Variants in GALNT14 observed in about 807,000 individuals in gnomAD.
The protein encoded by GALNT14 is polypeptide N-acetylgalactosaminyltransferase 14, also known as UDP-GalNAc:polypeptide N-acetylgalactosaminyltransferase 14.
GALNT14 carries 60 observed loss-of-function variants against 77.5 expected under a neutral mutation model. The ratio of observed to expected loss-of-function variants is 0.77; its 90% CI spans 0.63 to 0.96. The LOEUF (loss-of-function observed/expected upper bound fraction) is 0.96. Ranked by LOEUF, GALNT14 falls within the 40% of genes least tolerant of loss-of-function variation. The pLI is 0.00. For missense variants in GALNT14, 710 were observed against 731.0 expected (o/e 0.97, Z 0.33); for synonymous variants, 280 against 281.7 (o/e 0.99, Z 0.06).
chr2:31,035,802 A>G (rs1181868714), intron 1 of GALNT14, among the ~76,000 whole-genome samples: 1 of 152,100 alleles, frequency 6.6e-6, no homozygotes, highest in Non-Finnish European at 1.5e-5. Context: ...AGCGGGAGCT[A>G]AATGATGAGA....
intron 2 of GALNT14, among the ~76,000 whole-genome samples, chr2:30,981,377 C>T (rs149893852): frequency 9.5e-4 from 144 of 152,326 alleles, no homozygotes; most frequent in Admixed American, 4.1e-3. Context: ...CTGCCTTCTA[C>T]GTGATGTGCC....
At chr2:30,956,084 C>T in intron 4 of GALNT14, 107 bp from the exon 5 acceptor site, 4 of 1,055,314 alleles carry the variant, frequency 3.8e-6, no homozygotes, top group South Asian at 2.7e-5. Context: ...CAGCCCTGTC[C>T]ACTGTCCCCT....
intron 2 of GALNT14, among the ~76,000 whole-genome samples, chr2:30,981,416 G>A (rs1259489641): frequency 6.6e-6 from 1 of 152,250 alleles, no homozygotes; most frequent in Admixed American, 6.5e-5. Flanking sequence ...CTCTGCTGCT[G>A]CTGTGTTTAA....
chr2:31,111,160 G>A (rs951720414), intron 1 of GALNT14, among the ~76,000 whole-genome samples: 10 of 152,168 alleles, frequency 6.6e-5, no homozygotes, highest in Non-Finnish European at 1.0e-4. Context: ...AGACTACCCA[G>A]GATGCAGATG....
chr2:30,943,162 C>T lies in GALNT14; in HGVS notation c.828-858G>A, dbSNP rs537636939. Among the ~76,000 whole-genome samples, 16 of 152,322 alleles carry T rather than the reference C, an allele frequency of 1.1e-4. 1 individual carries two copies. Among genetic ancestry groups the T allele is most frequent in the East Asian group, 7.7e-4 (4 of 5,180 alleles). On this transcript the variant is annotated intron_variant, in intron 8 of 14. Coordinates refer to ENST00000349752, the MANE Select transcript of GALNT14 (RefSeq NM_024572.4). Reference sequence around the variant, plus strand: ...TACATTTCTGTTGTTTAAGCAGCCCCGTGTGTGGTATGCTGTTACAGCAGC... The same window carrying T: ...TACATTTCTGTTGTTTAAGCAGCCCTGTGTGTGGTATGCTGTTACAGCAGC...
At chr2:30,909,215 T>G (rs1162594822), downstream of GALNT14, among the ~76,000 whole-genome samples, 2 of 150,018 alleles carry the variant, frequency 1.3e-5, no homozygotes, top group Non-Finnish European at 3.0e-5. Context: ...AAATGGGATC[T>G]AATTAAACTA....
intron 9 of GALNT14, among the ~76,000 whole-genome samples, chr2:30,933,525 C>T (rs1199879972): frequency 6.6e-6 from 1 of 152,156 alleles, no homozygotes; most frequent in African/African-American, 2.4e-5. Context: ...TTGGAAAGGC[C>T]CCTGGACTGA....
intron 1 of GALNT14, among the ~76,000 whole-genome samples, chr2:31,024,730 C>A (rs750916230): frequency 6.6e-6 from 1 of 152,194 alleles, no homozygotes; most frequent in Non-Finnish European, 1.5e-5. Context: ...CAGTGGGTAT[C>A]CCTAACACCC....
intron 4 of GALNT14, among the ~76,000 whole-genome samples, chr2:30,958,108 G>A (rs1316022422): frequency 1.3e-5 from 2 of 152,194 alleles, no homozygotes; most frequent in Non-Finnish European, 2.9e-5. Context: ...GATGTCCCAC[G>A]GGGTTGGGGA....
intron 1 of GALNT14, among the ~76,000 whole-genome samples, chr2:31,057,230 A>T (rs1172482691): frequency 6.6e-6 from 1 of 150,716 alleles, no homozygotes. Context: ...AAACCTCACC[A>T]TCACACAATA....
At chr2:31,120,583 G>C (rs1010185971) in intron 1 of GALNT14, among the ~76,000 whole-genome samples, 15 of 151,792 alleles carry the variant, frequency 9.9e-5, no homozygotes, top group African/African-American at 3.6e-4. Flanking sequence ...TTTAGACAGA[G>C]TCTCACTCTG....
chr2:30,928,307 T>G (rs952438419), intron 11 of GALNT14, among the ~76,000 whole-genome samples: 7 of 152,170 alleles, frequency 4.6e-5, no homozygotes, highest in African/African-American at 1.4e-4. Flanking sequence ...GATGTTAGTA[T>G]GACAAAAAGC....
intron 1 of GALNT14, among the ~76,000 whole-genome samples, chr2:31,072,676 C>T (rs1375198989): frequency 6.6e-6 from 1 of 152,122 alleles, no homozygotes; most frequent in East Asian, 1.9e-4. Context: ...TCTCAGTGGA[C>T]AGGGACAAAG....
At chr2:30,968,815 G>C (rs57512503) in intron 2 of GALNT14, among the ~76,000 whole-genome samples, 3,430 of 152,296 alleles carry the variant, frequency 0.023, 145 homozygotes, top group East Asian at 0.21. Flanking sequence ...ATAAGCAGTA[G>C]AAAAAGGGAA....
intron 1 of GALNT14, among the ~76,000 whole-genome samples, chr2:31,122,904 G>A (rs868561447): frequency 3.9e-4 from 60 of 152,250 alleles, no homozygotes; most frequent in South Asian, 6.2e-4. Context: ...TTATTGGGCC[G>A]GGTGCTGTGG....
intron 6 of GALNT14, among the ~76,000 whole-genome samples, chr2:30,947,947 G>A (rs1043068892): frequency 3.3e-5 from 5 of 152,178 alleles, no homozygotes; most frequent in African/African-American, 4.8e-5. Context: ...GTCACAGATG[G>A]TTCATTCATA....
chr2:30,898,009 C>T, the GALNT14 span, among the ~76,000 whole-genome samples: 1 of 152,150 alleles, frequency 6.6e-6, no homozygotes, highest in African/African-American at 2.4e-5. Context: ...GTTTTTGTCC[C>T]TCAAACTCAT....
intron 1 of GALNT14, among the ~76,000 whole-genome samples, chr2:31,004,654 C>T (rs563955444): frequency 6.7e-4 from 102 of 152,264 alleles, no homozygotes; most frequent in African/African-American, 2.3e-3. Flanking sequence ...CCAGAGCAGC[C>T]TCCAACAGGA....
intron 1 of GALNT14, among the ~76,000 whole-genome samples, chr2:31,050,917 C>T (rs10205584): frequency 0.43 from 65,117 of 151,504 alleles, 14,339 homozygotes; most frequent in East Asian, 0.54. Flanking sequence ...CTGTGAGTCA[C>T]GGCCAAATTA....
Sources: allele counts gnomAD v4.1 joint callset (sites outside exome capture counted in the v4.1 genomes callset), GRCh38; gene constraint gnomAD v4.1.1; transcripts MANE v1.5; gene names NCBI Gene and HGNC (gene_info 2026-07-23, HGNC 2026-07-21).